The following SYNCRIP variants were observed in gnomAD, a reference collection of about 807,000 sequenced individuals.
The protein encoded by SYNCRIP is synaptotagmin binding cytoplasmic RNA interacting protein.
SYNCRIP carries 9 observed loss-of-function variants against 68.9 expected under a neutral mutation model. That is an observed-to-expected ratio of 0.13 (90% CI 0.08 to 0.23). SYNCRIP has a LOEUF of 0.23. SYNCRIP is among the 10% of genes least tolerant of loss of function. The pLI is 1.00. For synonymous variants in SYNCRIP, 258 were observed against 254.0 expected, an observed-to-expected ratio of 1.02 and a Z score of -0.15; for missense variants, 414 against 770.6, an observed-to-expected ratio of 0.54 and a Z score of 5.48.
In SYNCRIP at chr6:85,615,325, C is replaced by A; in HGVS notation, c.1303G>T (p.Gly435Cys). The A allele has an allele frequency of 6.5e-7, 1 of 1,536,480 alleles. No individual in the cohort carries two copies. ...GTTGGAGGGGGCATATGAGGTGGAC[C>A]ATAATAGTAGTAATCGTCATACCTA... ...NQMYDDYYYY[G>C]PPHMPPPTRG... Residue 435 changes from glycine to cysteine, a missense_variant, in exon 11 of 11, where the codon GGT becomes TGT. This residue lies in a region of SYNCRIP where 72 missense variants were observed against 119.8 expected (regional missense o/e 0.60). Transcript: ENST00000369622.
At chr6:85,613,926 A>G (rs1348915456), downstream of SYNCRIP, 3 of 964,132 alleles carry the variant, frequency 3.1e-6, no homozygotes, top group Admixed American at 6.2e-5. Context: ...GTCCTTTTAT[A>G]CAGTTCATTC....
intron 3 of SYNCRIP, 38 bp from the exon 4 acceptor site, chr6:85,640,366 A>T: frequency 6.3e-7 from 1 of 1,592,956 alleles, no homozygotes; most frequent in Non-Finnish European, 8.6e-7. Context: ...AACAATAACC[A>T]TATCTGAGTC....
chr6:85,615,196 G>A lies in SYNCRIP; in HGVS notation c.1432C>T (p.Arg478Cys). The A allele has an allele frequency of 1.2e-6, 2 of 1,610,992 alleles. No homozygotes were observed. Among genetic ancestry groups the A allele is most frequent in the Non-Finnish European group, 1.7e-6 (2 of 1,178,348 alleles). ...TAGTATGGATCTTCATATCCACCAC[G>A]ATAGTTATGGTAATCATAACCATAA... ...DYYGYDYHNY[R>C]GGYEDPYYGY... The change falls in exon 11 of 11, where the codon CGT becomes TGT. Residue 478 changes from arginine to cysteine, a missense_variant. Around this residue, in one of 6 missense-constraint regions of SYNCRIP, gnomAD observed 72 missense variants for 119.8 expected, o/e 0.60. Transcript: ENST00000369622.
chr6:85,624,597 G>A (rs913605519), intron 6 of SYNCRIP, among the ~76,000 whole-genome samples: 2 of 152,174 alleles, frequency 1.3e-5, no homozygotes, highest in African/African-American at 4.8e-5. Flanking sequence ...AAATCCAACT[G>A]TACTTTTTCC....
At chr6:85,638,866 C>T (rs1243091120) in intron 4 of SYNCRIP, among the ~76,000 whole-genome samples, 3 of 152,170 alleles carry the variant, frequency 2.0e-5, no homozygotes, top group Non-Finnish European at 4.4e-5. Context: ...CTCTGTCAAA[C>T]TTCCTCTAAA....
At chr6:85,627,600 A>G (rs1308270501) in intron 6 of SYNCRIP, among the ~76,000 whole-genome samples, 1 of 152,196 alleles carries the variant, frequency 6.6e-6, no homozygotes, top group Non-Finnish European at 1.5e-5. Context: ...TACAAAAAAC[A>G]AATGTGAATA....
chr6:85,629,516 CAAAAAAAAAAAAAAAAA>C (rs781083306), intron 6 of SYNCRIP, among the ~76,000 whole-genome samples: 1 of 64,924 alleles, frequency 1.5e-5, no homozygotes, highest in Non-Finnish European at 2.6e-5. Flanking sequence ...ACTAAAAATA[CAAAAAAAAAAAAAAAAA>C]AAAAAAAGGG....
chr6:85,614,221 A>C lies in SYNCRIP; in HGVS notation c.*535T>G. The C allele has an allele frequency of 1.0e-6, 1 of 985,770 alleles. No individual in the cohort carries two copies. The highest frequency in any genetic ancestry group is 1.7e-5 in the African/African-American group (1 of 57,374). 61.1% of individuals were successfully genotyped at this position (985,770 alleles called of 1,614,324 possible). On this transcript the variant is annotated 3_prime_UTR_variant, in exon 11 of 11. Coordinates refer to ENST00000369622, the MANE Select transcript of SYNCRIP (RefSeq NM_006372.5). The stretch of plus-strand genomic sequence containing the variant: ...ACACAATTTTAGTAAGTATACATTT[A>C]GGTGTGAATTTTTTATTGAAATAAA...
chr6:85,612,845 C>T (rs1289422933), downstream of SYNCRIP: 3 of 1,548,128 alleles, frequency 1.9e-6, no homozygotes, highest in Admixed American at 5.9e-5. Context: ...TACTCCACTG[C>T]AAGCTTCTGG....
At chr6:85,627,615 A>T (rs1416221607) in intron 6 of SYNCRIP, among the ~76,000 whole-genome samples, 1 of 152,150 alleles carries the variant, frequency 6.6e-6, no homozygotes, top group Non-Finnish European at 1.5e-5. Flanking sequence ...TGAATAAGAG[A>T]TTCTAATTTA....
In SYNCRIP at chr6:85,619,316, T is replaced by C. The variant is rs370272609; in HGVS notation, c.1110A>G (p.Leu370=). 18 of 1,614,086 alleles carry C rather than the reference T, an allele frequency of 1.1e-5. No individual in the cohort carries two copies. The highest frequency in any genetic ancestry group is 1.5e-5 in the Non-Finnish European group (18 of 1,180,012). ...CAAAATGAATGAACGCATAATCTTT[T>C]AACTTCTTCACTCGTTCCAGTTTCC... The part of the protein sequence containing the change: ...QFGKLERVKK[L]KDYAFIHFDE... Residue 370 remains leucine (L), a synonymous_variant, in exon 9 of 11, where the codon TTA becomes TTG. Coordinates refer to ENST00000369622, the MANE Select transcript of SYNCRIP (RefSeq NM_006372.5).
rs11331 is a variant in SYNCRIP at position 85,614,689 on chromosome 6, C to T, written c.*67G>A. 4 of 1,478,158 alleles carry T rather than the reference C, an allele frequency of 2.7e-6. No individual in the cohort carries two copies. Among genetic ancestry groups the T allele is most frequent in the South Asian group, 1.5e-5 (1 of 68,170 alleles). The allele number at this position is 1,478,158 out of a possible 1,614,324, so 91.6% of individuals were successfully genotyped here. ...AGATGTCACAAATTATAGCGGCACC[C>T]GTTCAGATTTAGGGTGAGTTTCTGA... On this transcript the variant is annotated 3_prime_UTR_variant, in exon 11 of 11. Coordinates refer to ENST00000369622, the MANE Select transcript of SYNCRIP (RefSeq NM_006372.5).
intron 4 of SYNCRIP, 146 bp downstream of exon 4, chr6:85,640,075 A>T (rs1010500549): frequency 1.1e-4 from 67 of 622,966 alleles, no homozygotes; most frequent in Non-Finnish European, 3.9e-5. Flanking sequence ...CAAATAGTTT[A>T]AAAAAACTTA....
In SYNCRIP at chr6:85,624,137, G is replaced by C. The variant is rs370877643; in HGVS notation, c.667-25C>G. The C allele has an allele frequency of 1.8e-5, 29 of 1,601,584 alleles. No individual in the cohort carries two copies. In the Middle Eastern group the frequency reaches 6.6e-4, roughly 37 times the overall value. The stretch of plus-strand genomic sequence containing the variant: ...ACTGAAAGGGGAAAAAGTGCATCAT[G>C]TTTTTAAATTACTTATACAACTAGA... On this transcript the variant is annotated intron_variant, in intron 6 of 10. Transcript: ENST00000369622.
chr6:85,616,143 A>G (rs1049413203), intron 10 of SYNCRIP, among the ~76,000 whole-genome samples: 1 of 152,216 alleles, frequency 6.6e-6, no homozygotes, highest in Non-Finnish European at 1.5e-5. Flanking sequence ...ATGCTTACAT[A>G]CTATGTAAAA....
intron 6 of SYNCRIP, among the ~76,000 whole-genome samples, chr6:85,628,943 C>G (rs1016021192): frequency 1.3e-5 from 2 of 152,158 alleles, no homozygotes; most frequent in Non-Finnish European, 2.9e-5. Flanking sequence ...ACCACTATGG[C>G]CTTTCATTTC....
chr6:85,642,041 G>A (rs1023366571), intron 1 of SYNCRIP, among the ~76,000 whole-genome samples: 4 of 152,100 alleles, frequency 2.6e-5, no homozygotes, highest in African/African-American at 4.8e-5. Flanking sequence ...GCCTTCCAAT[G>A]TCCTACAACT....
At chr6:85,634,280 A>G (rs1416935848) in intron 6 of SYNCRIP, among the ~76,000 whole-genome samples, 1 of 152,228 alleles carries the variant, frequency 6.6e-6, no homozygotes, top group African/African-American at 2.4e-5. Flanking sequence ...ATCTTCCTCT[A>G]ATGATGTATC....
At chr6:85,643,066 CCCT>C (rs1809406276), upstream of SYNCRIP, 1 of 149,722 alleles carries the variant, frequency 6.7e-6, no homozygotes, top group East Asian at 2.0e-4. Context: ...TCAGCCCCTG[CCCT>C]CCTCCAGCTC....
Sources: allele counts gnomAD v4.1 joint callset (sites outside exome capture counted in the v4.1 genomes callset), GRCh38; gene constraint gnomAD v4.1.1; regional missense constraint gnomAD v4.1.1; transcripts MANE v1.5; gene names NCBI Gene and HGNC (gene_info 2026-07-23, HGNC 2026-07-21).